Variants in URM1 observed in about 807,000 individuals in gnomAD.
URM1 encodes ubiquitin-related modifier 1.
In URM1, 11 loss-of-function variants were observed where a neutral mutation model predicts 17.7. The ratio of observed to expected loss-of-function variants is 0.62; its 90% CI spans 0.39 to 1.03. The LOEUF is 1.03. Among genes scored for constraint, URM1 ranks in the 50% least tolerant of loss-of-function variants. URM1 has a pLI of 0.00. For synonymous variants in URM1, 48 were observed against 50.6 expected, an observed-to-expected ratio of 0.95 and a Z score of 0.22; for missense variants, 128 against 129.2, an observed-to-expected ratio of 0.99 and a Z score of 0.04.
intron 2 of URM1, among the ~76,000 whole-genome samples, chr9:128,379,379 T>C (rs60179712): frequency 0.091 from 13,769 of 151,958 alleles, 913 homozygotes; most frequent in East Asian, 0.18. Context: ...CTTGGGAGGC[T>C]GAAGCAGGAG....
intron 2 of URM1, among the ~76,000 whole-genome samples, chr9:128,378,947 CA>C (rs397976946): frequency 0.043 from 3,766 of 86,836 alleles, 93 homozygotes; most frequent in East Asian, 0.14. Context: ...ATTCTGTCAC[CA>C]AAAAAAAAAA....
At chr9:128,378,401 G>T (rs997929133) in intron 2 of URM1, among the ~76,000 whole-genome samples, 1 of 151,916 alleles carries the variant, frequency 6.6e-6, no homozygotes, top group African/African-American at 2.4e-5. Flanking sequence ...GCTGGGCATG[G>T]TGGCGCGTGC....
chr9:128,372,296 GGT>G (rs376150336), intron 1 of URM1, among the ~76,000 whole-genome samples: 4 of 147,426 alleles, frequency 2.7e-5, no homozygotes, highest in Non-Finnish European at 5.9e-5. Flanking sequence ...GGAATAGGTA[GGT>G]GTGTGTGTGT....
intron 2 of URM1, among the ~76,000 whole-genome samples, chr9:128,385,029 G>A (rs1036363575): frequency 6.6e-6 from 1 of 152,178 alleles, no homozygotes; most frequent in Non-Finnish European, 1.5e-5. Flanking sequence ...TGGGCAGTGG[G>A]GCCTGGTTCC....
chr9:128,371,486 C>A, intron 1 of URM1, 71 bp downstream of exon 1: 1 of 1,528,640 alleles, frequency 6.5e-7, no homozygotes, highest in Non-Finnish European at 9.0e-7. Context: ...TTCCTTCTGC[C>A]GTGGGGCCTG....
chr9:128,385,608 C>T (rs1833216040), intron 2 of URM1, among the ~76,000 whole-genome samples: 1 of 152,190 alleles, frequency 6.6e-6, no homozygotes, highest in South Asian at 2.1e-4. Flanking sequence ...CCTGACTCTG[C>T]TTAACCCTTC....
chr9:128,374,135 G>A (rs532062588), intron 1 of URM1, among the ~76,000 whole-genome samples: 1 of 152,114 alleles, frequency 6.6e-6, no homozygotes, highest in Admixed American at 6.5e-5. Flanking sequence ...GCTAGAACAG[G>A]CCCCTTGTCT....
Position 128,371,655 on chromosome 9 carries a change from T to G in URM1, c.35+240T>G, listed in dbSNP as rs151235228. ...GCTCTCTGTGTACCACTCGGTGCCC[T>G]GTGCTCCGCCGGAGTCGGAGGTCGT... On this transcript the variant is annotated intron_variant, in intron 1 of 4. Transcript: ENST00000372853. Among the ~76,000 whole-genome samples, 477 of 152,304 alleles carry G rather than the reference T, an allele frequency of 3.1e-3. 1 individual carries two copies. The highest frequency in any genetic ancestry group is 5.0e-3 in the Non-Finnish European group (343 of 68,026).
intron 2 of URM1, among the ~76,000 whole-genome samples, chr9:128,381,567 G>T (rs1374354034): frequency 6.6e-6 from 1 of 152,182 alleles, no homozygotes; most frequent in Non-Finnish European, 1.5e-5. Flanking sequence ...ATGGTGGTGG[G>T]CACCTGTAAT....
chr9:128,375,519 T>G (rs894459403), intron 1 of URM1, among the ~76,000 whole-genome samples: 1 of 152,238 alleles, frequency 6.6e-6, no homozygotes, highest in South Asian at 2.1e-4. Flanking sequence ...AAGACCAGCC[T>G]GGGCAATAGA....
chr9:128,373,226 G>A (rs888993599), intron 1 of URM1, among the ~76,000 whole-genome samples: 5 of 112,942 alleles, frequency 4.4e-5, no homozygotes, highest in African/African-American at 6.8e-5. Flanking sequence ...ACAGCACAGC[G>A]TTCCATGAAA....
chr9:128,386,582 G>C (rs7026951), intron 2 of URM1, among the ~76,000 whole-genome samples: 19,287 of 152,290 alleles, frequency 0.13, 3,172 homozygotes, highest in African/African-American at 0.39. Context: ...AGAGCGAGGG[G>C]GCACGCGTGC....
At chr9:128,385,737 T>G (rs1399469007) in intron 2 of URM1, among the ~76,000 whole-genome samples, 1 of 151,844 alleles carries the variant, frequency 6.6e-6, no homozygotes, top group East Asian at 1.9e-4. Context: ...CCAGGCCGAG[T>G]GGCCCTTGCA....
chr9:128,387,873 A>C lies in URM1; in HGVS notation c.164A>C (p.Glu55Ala). The C allele has an allele frequency of 6.2e-7, 1 of 1,614,084 alleles. No homozygotes were observed. The highest frequency in any genetic ancestry group is 8.5e-7 in the Non-Finnish European group (1 of 1,180,016). ...AAGAATTTGCTAAAAGAGCGGCCAG[A>C]GTTGTTCATCCAGGGAGACAGCGTG... The part of the protein sequence containing the change: ...IKKNLLKERP[E>A]LFIQGDSVRP... Residue 55 changes from glutamate (E) to alanine (A), a missense_variant, in exon 3 of 5, where the codon GAG (glutamate) becomes GCG (alanine). Glu to Ala is a moderately radical substitution (Grantham distance 107). Transcript: ENST00000372853. This position sits in a 1 kb window ranked among gnomAD's most constrained non-coding sequence, Gnocchi z 4.3.
At chr9:128,371,552 A>G in intron 1 of URM1, 137 bp downstream of exon 1, 1 of 860,118 alleles carries the variant, frequency 1.2e-6, no homozygotes. Flanking sequence ...CTACCCGCCT[A>G]GGAGAGTCTG....
At position 128,382,552 on chromosome 9, in the gene URM1, A is replaced by G. The variant is rs568343252; in HGVS notation, c.106+4446A>G. Among the ~76,000 whole-genome samples, 4 of 152,274 alleles carry G rather than the reference A, an allele frequency of 2.6e-5. No homozygotes were observed. The South Asian group carries it at 8.3e-4, about 32-fold the overall frequency. ...CTCCTAGGCCAGGGGAGAGCTTCCA[A>G]CCCAGCCAATTTGGGAGAAATGATG... is the stretch of plus-strand genomic sequence containing the variant. On this transcript the variant is annotated intron_variant, in intron 2 of 4. Transcript: ENST00000372853.
chr9:128,389,023 TG>T, intron 3 of URM1: 1 of 1,342,570 alleles, frequency 7.4e-7, no homozygotes, highest in Non-Finnish European at 9.5e-7. Flanking sequence ...ATGGTCTGGG[TG>T]GTGGTGCTGG....
rs751003207 is a variant in URM1 at position 128,387,800 on chromosome 9, G to C, written c.107-16G>C. The C allele has an allele frequency of 6.2e-7, 1 of 1,614,108 alleles. No homozygotes were observed. Among genetic ancestry groups the C allele is most frequent in the Non-Finnish European group, 8.5e-7 (1 of 1,179,984 alleles). On this transcript the variant is annotated splice_polypyrimidine_tract_variant and intron_variant, in intron 2 of 4. Transcript: ENST00000372853. This position sits in a 1 kb window ranked among gnomAD's most constrained non-coding sequence, Gnocchi z 4.3. ...TTTGGGTTTGACAAGAGTTTGTTCT[G>C]TGCATTCCTTTCCAGGGGACATCCG...
At position 128,387,906 on chromosome 9, in the gene URM1, C is replaced by CA. The variant is rs1564413146; in HGVS notation, c.188+10dup. 6.2e-7 allele frequency: 1 copy of CA among 1,613,794 alleles called. No individual in the cohort carries two copies. ...ATCCAGGGAGACAGCGTGTGAGTCC[C>CA]ACTCCTCCCTTCCCTGAAGCAGGTG... On this transcript the variant is annotated intron_variant, in intron 3 of 4. Coordinates refer to ENST00000372853, the MANE Select transcript of URM1 (RefSeq NM_030914.4). The surrounding 1 kb of genome is among the most constrained non-coding windows in gnomAD (Gnocchi z 4.3).
Sources: gnomAD v4.1 joint callset for allele counts (sites outside exome capture counted in the v4.1 genomes callset) on GRCh38, gnomAD v4.1.1 for gene constraint, Gnocchi (gnomAD v3.1) non-coding constraint, MANE v1.5 for transcripts, NCBI Gene and HGNC (gene_info 2026-07-23, HGNC 2026-07-21) for gene names.